The following GOSR2 variants were observed in gnomAD, a reference collection of about 807,000 sequenced individuals.
GOSR2 encodes golgi SNAP receptor complex member 2.
Under a neutral mutation model 27.9 loss-of-function variants are expected in GOSR2, and 20 were observed. The observed-to-expected ratio is 0.72, with a 90% CI of 0.50 to 1.04. The LOEUF is 1.04. Among genes scored for constraint, GOSR2 ranks in the 50% least tolerant of loss-of-function variants. GOSR2 has a pLI of 0.00. For synonymous variants in GOSR2, 91 were observed against 98.8 expected, an observed-to-expected ratio of 0.92 and a Z score of 0.47; for missense variants, 261 against 270.5, an observed-to-expected ratio of 0.97 and a Z score of 0.25.
rs145824731 is a variant in GOSR2 at position 46,936,005 on chromosome 17, T to C, written c.477+836T>C. 5.4e-4 allele frequency: 536 copies of C among 985,818 alleles called. No homozygotes were observed. In the African/African-American group the frequency reaches 8.3e-3, roughly 15 times the overall value. 61.1% of individuals were successfully genotyped at this position (985,818 alleles called of 1,614,324 possible). ...AGTTTTTGTTGGATCATGTTGAGTCTGTCAGCTCCACAGGACTTCAGTACG... is the reference window on the plus strand; with the variant it reads ...AGTTTTTGTTGGATCATGTTGAGTCCGTCAGCTCCACAGGACTTCAGTACG... On this transcript the variant is annotated intron_variant, in intron 5 of 5. Coordinates refer to ENST00000640051, the MANE Select transcript of GOSR2 (RefSeq NM_004287.5).
chr17:46,924,459 A>G (rs1459612915), intron 1 of GOSR2: 2 of 152,050 alleles, frequency 1.3e-5, no homozygotes, highest in Non-Finnish European at 2.9e-5. Context: ...TCTCTTCTCA[A>G]TTTTTTGAGG....
downstream of GOSR2, among the ~76,000 whole-genome samples, chr17:46,970,862 G>A (rs553459991): frequency 6.1e-4 from 93 of 152,322 alleles, no homozygotes; most frequent in Admixed American, 6.5e-5. Flanking sequence ...CACGGTATAC[G>A]TTCAAAGTGG....
At chr17:46,965,361 T>G (rs917011683) in intron 6 of GOSR2, among the ~76,000 whole-genome samples, 2 of 152,204 alleles carry the variant, frequency 1.3e-5, no homozygotes, top group Non-Finnish European at 2.9e-5. Flanking sequence ...TGACAAGAAG[T>G]GCTGGGACAA....
intron 5 of GOSR2, chr17:46,936,965 TA>T (rs78020254): frequency 0.15 from 28,393 of 195,490 alleles, 1,164 homozygotes; most frequent in Middle Eastern, 0.19. Context: ...GTGTATTTAT[TA>T]AAAAAAAAAA....
At chr17:46,955,714 TCTTAACTC>T (rs1276664097) in intron 6 of GOSR2, 1 of 152,302 alleles carries the variant, frequency 6.6e-6, no homozygotes, top group Non-Finnish European at 1.5e-5. Flanking sequence ...CCAAACCAGG[TCTTAACTC>T]CATCATCCTA....
At chr17:46,961,821 A>T (rs1448720720) in intron 6 of GOSR2, among the ~76,000 whole-genome samples, 1 of 152,178 alleles carries the variant, frequency 6.6e-6, no homozygotes, top group East Asian at 1.9e-4. Flanking sequence ...CCTTTATCTA[A>T]TGCCTACTGT....
At chr17:46,932,005 G>GC in intron 3 of GOSR2, 62 bp from the exon 4 acceptor site, 1 of 1,490,230 alleles carries the variant, frequency 6.7e-7, no homozygotes. Context: ...ACAAAGCCTG[G>GC]CCCCCTCAGA....
chr17:46,974,987 C>CTTTTTT (rs58438726), intron 6 of GOSR2, among the ~76,000 whole-genome samples: 6 of 119,064 alleles, frequency 5.0e-5, no homozygotes, highest in Non-Finnish European at 7.0e-5. Context: ...TTACTATTTT[C>CTTTTTT]TTTTTTTTTT....
intron 6 of GOSR2, among the ~76,000 whole-genome samples, chr17:46,972,046 A>G (rs1401539546): frequency 6.6e-6 from 1 of 151,972 alleles, no homozygotes; most frequent in African/African-American, 2.4e-5. Context: ...AAGACAGGGA[A>G]CTGTCTCAAC....
At chr17:46,926,883 A>G (rs541533030) in intron 1 of GOSR2, among the ~76,000 whole-genome samples, 1 of 152,196 alleles carries the variant, frequency 6.6e-6, no homozygotes, top group Non-Finnish European at 1.5e-5. Context: ...TGCCATGTAC[A>G]TCTCCTCAGG....
rs758268045 is a variant in GOSR2, at chr17:46,929,543, G to T, written c.53G>T (p.Cys18Phe). Residue 18 changes from cysteine (C) to phenylalanine (F), a missense_variant, in exon 2 of 6, where the codon TGC becomes TTC. Physicochemically the swap from Cys to Phe is radical, Grantham distance 205. Coordinates refer to ENST00000640051, the MANE Select transcript of GOSR2 (RefSeq NM_004287.5). ...AGGCAGGTCCACGAGATCCAGTCTT[G>T]CATGGGACGCCTGGAGACGGCAGAC... is the stretch of plus-strand genomic sequence containing the variant. ...THKQVHEIQS[C>F]MGRLETADKQ... The T allele has an allele frequency of 3.2e-6, 5 of 1,568,014 alleles. No homozygotes were observed. The highest frequency in any genetic ancestry group is 3.5e-6 in the Non-Finnish European group (4 of 1,138,232).
intron 3 of GOSR2, 173 bp downstream of exon 3, chr17:46,931,380 A>T (rs1333313333): frequency 1.6e-6 from 1 of 631,338 alleles, no homozygotes; most frequent in African/African-American, 1.8e-5. Flanking sequence ...GATGCCGCTC[A>T]AAATAAATAG....
chr17:46,948,166 T>C (rs2090062994), intron 6 of GOSR2, among the ~76,000 whole-genome samples: 1 of 152,212 alleles, frequency 6.6e-6, no homozygotes, highest in Non-Finnish European at 1.5e-5. Context: ...CTGTGGAACC[T>C]TGAGCAAGCC....
In GOSR2 at chr17:46,940,741, C is replaced by T. The variant is rs1432881074; in HGVS notation, c.*1981C>T. The T allele has an allele frequency of 1.3e-6, 2 of 1,577,340 alleles. No individual in the cohort carries two copies. Among genetic ancestry groups the T allele is most frequent in the African/African-American group, 2.7e-5 (2 of 74,330 alleles). On this transcript the variant is annotated 3_prime_UTR_variant, in exon 6 of 6. Transcript: ENST00000640051. ...ACAGTGGTTGGCTTTGATGAACCCT[C>T]ATGCTGCACCTTCAGAGCCAGTCCT...
At position 46,941,559 on chromosome 17, in the gene GOSR2, A is replaced by G. The variant is rs564958170; in HGVS notation, c.*2799A>G. 1 of 272,236 alleles carries G rather than the reference A, an allele frequency of 3.7e-6. No individual in the cohort carries two copies. The highest frequency in any genetic ancestry group is 1.4e-4 in the South Asian group (1 of 7,182). 16.9% of individuals were successfully genotyped at this position (272,236 alleles called of 1,614,324 possible). On this transcript the variant is annotated 3_prime_UTR_variant, in exon 6 of 6. Transcript: ENST00000640051. The stretch of plus-strand genomic sequence containing the variant: ...AGATCTGAATTAGAACCTTTTTTAA[A>G]TCTCTAAGGTGATTTTATTTTATTT...
intron 5 of GOSR2, chr17:46,937,472 A>C (rs1014706931): frequency 6.6e-6 from 1 of 152,216 alleles, no homozygotes; most frequent in Non-Finnish European, 1.5e-5. Flanking sequence ...TAAGGTATAC[A>C]GATCATATTT....
At position 46,940,525 on chromosome 17, in the gene GOSR2, C is replaced by T. The variant is rs767214928; in HGVS notation, c.*1765C>T. 1 of 1,613,938 alleles carries T rather than the reference C, an allele frequency of 6.2e-7. No homozygotes were observed. Among genetic ancestry groups the T allele is most frequent in the South Asian group, 1.1e-5 (1 of 91,086 alleles). On this transcript the variant is annotated 3_prime_UTR_variant, in exon 6 of 6. Coordinates refer to ENST00000640051, the MANE Select transcript of GOSR2 (RefSeq NM_004287.5). ...GTAATCCATAAAATGGATTCTGAGA[C>T]TGCGACGGCAAGGCTGTCCTGTCCC...
chr17:46,971,093 G>A (rs1184311469), downstream of GOSR2, among the ~76,000 whole-genome samples: 1 of 152,116 alleles, frequency 6.6e-6, no homozygotes, highest in African/African-American at 2.4e-5. Context: ...GCTCATGCCT[G>A]TAATCCCAGC....
downstream of GOSR2, among the ~76,000 whole-genome samples, chr17:46,946,336 C>T (rs905062018): frequency 2.0e-5 from 3 of 150,370 alleles, no homozygotes; most frequent in Non-Finnish European, 3.0e-5. Flanking sequence ...TGGCGCATGC[C>T]TGTAATCCCA....
Sources: allele counts gnomAD v4.1 joint callset (sites outside exome capture counted in the v4.1 genomes callset), GRCh38; gene constraint gnomAD v4.1.1; transcripts MANE v1.5; gene names NCBI Gene and HGNC (gene_info 2026-07-23, HGNC 2026-07-21).